SGCD: variants seen among roughly 807,000 people sequenced by gnomAD.
SGCD encodes the protein delta-sarcoglycan.
SGCD carries 18 observed loss-of-function variants against 36.6 expected under a neutral mutation model. The ratio of observed to expected loss-of-function variants is 0.49; its 90% CI spans 0.34 to 0.73. The LOEUF (loss-of-function observed/expected upper bound fraction) is 0.73. SGCD is among the 30% of genes least tolerant of loss of function. SGCD has a pLI of 0.01. For synonymous variants in SGCD, 133 were observed against 130.6 expected, an observed-to-expected ratio of 1.02 and a Z score of -0.12; for missense variants, 387 against 346.7, an observed-to-expected ratio of 1.12 and a Z score of -0.92.
At chr5:156,023,054 T>G (rs1386461532) in intron 1 of SGCD, among the ~76,000 whole-genome samples, 1 of 152,230 alleles carries the variant, frequency 6.6e-6, no homozygotes. Flanking sequence ...AGAATTTGCA[T>G]TATAACTCCA....
chr5:156,385,040 A>T (rs968216491), intron 3 of SGCD, among the ~76,000 whole-genome samples: 1 of 152,216 alleles, frequency 6.6e-6, no homozygotes, highest in African/African-American at 2.4e-5. Context: ...GAATCCAGCC[A>T]GAAATGCACA....
intron 1 of SGCD, among the ~76,000 whole-genome samples, chr5:155,899,388 C>G (rs1050756657): frequency 3.9e-5 from 6 of 152,034 alleles, no homozygotes; most frequent in African/African-American, 1.4e-4. Flanking sequence ...TAGCTCTAAC[C>G]CTGGGCCTTT....
intron 3 of SGCD, among the ~76,000 whole-genome samples, chr5:156,444,108 CTCTCTCT>C (rs1561699371): frequency 7.2e-4 from 74 of 103,180 alleles, no homozygotes; most frequent in Non-Finnish European, 8.9e-4. Context: ...CTCTCTCTCT[CTCTCTCT>C]CCCCTTCCCT....
At chr5:156,091,806 A>G (rs754493040) in intron 1 of SGCD, among the ~76,000 whole-genome samples, 12 of 152,242 alleles carry the variant, frequency 7.9e-5, no homozygotes, top group Non-Finnish European at 1.3e-4. Flanking sequence ...ATACCTCATG[A>G]GGCATGAACA....
rs1478064768 is a variant in SGCD at position 156,002,225 on chromosome 5, GGACACA to G, written c.-281-115646_-281-115641del. On this transcript the variant is annotated intron_variant, in intron 1 of 9. Transcript: ENST00000517913. ...ATATCTGTATAAGAAGATGAGATTA[GGACACA>G]GACACACAAACACACACAGAGGGAA... Among the ~76,000 whole-genome samples, 6 of 152,188 alleles carry G rather than the reference GGACACA, an allele frequency of 3.9e-5. No homozygotes were observed. The East Asian group carries it at 1.2e-3, about 30-fold the overall frequency.
intron 6 of SGCD, among the ~76,000 whole-genome samples, chr5:156,639,047 A>G (rs1481252366): frequency 1.3e-5 from 2 of 151,948 alleles, no homozygotes; most frequent in Non-Finnish European, 1.5e-5. Flanking sequence ...TTATCATAAT[A>G]AAATATATCT....
intron 4 of SGCD, among the ~76,000 whole-genome samples, chr5:156,567,324 G>A (rs1759524294): frequency 6.7e-6 from 1 of 149,996 alleles, no homozygotes; most frequent in Non-Finnish European, 1.5e-5. Context: ...AATTAATGGG[G>A]GAAGGAGAGA....
At chr5:155,907,844 T>C (rs1756551376) in intron 1 of SGCD, among the ~76,000 whole-genome samples, 2 of 152,144 alleles carry the variant, frequency 1.3e-5, no homozygotes, top group South Asian at 4.1e-4. Flanking sequence ...TTTGAGAGGA[T>C]TGACTTCAAT....
intron 4 of SGCD, among the ~76,000 whole-genome samples, chr5:156,538,862 C>T (rs1581136555): frequency 6.6e-6 from 1 of 152,108 alleles, no homozygotes; most frequent in Non-Finnish European, 1.5e-5. Flanking sequence ...TTCTTTGTTC[C>T]AGTATTAATT....
chr5:156,344,094 A>G (rs1768814290), intron 2 of SGCD, among the ~76,000 whole-genome samples: 1 of 152,242 alleles, frequency 6.6e-6, no homozygotes, highest in Non-Finnish European at 1.5e-5. Context: ...TATATTACTA[A>G]GGTGAACTGC....
intron 3 of SGCD, among the ~76,000 whole-genome samples, chr5:156,482,204 T>C (rs1755461127): frequency 6.6e-6 from 1 of 152,140 alleles, no homozygotes; most frequent in African/African-American, 2.4e-5. Context: ...TGCAAGGTCA[T>C]TGCAGCCTGA....
intron 4 of SGCD, among the ~76,000 whole-genome samples, chr5:156,572,492 G>T (rs552351593): frequency 6.6e-6 from 1 of 151,920 alleles, no homozygotes; most frequent in Non-Finnish European, 1.5e-5. Flanking sequence ...TTAACTTACC[G>T]GGTTTCCATT....
At chr5:156,243,687 G>A (rs1269426759) in intron 3 of SGCD, among the ~76,000 whole-genome samples, 1 of 152,112 alleles carries the variant, frequency 6.6e-6, no homozygotes, top group Non-Finnish European at 1.5e-5. Flanking sequence ...GAAAGAACTA[G>A]GGGTCCCTGA....
intron 4 of SGCD, among the ~76,000 whole-genome samples, chr5:156,558,086 CAA>C (rs1759106140): frequency 2.3e-5 from 1 of 43,452 alleles, no homozygotes; most frequent in Admixed American, 3.2e-4. Context: ...TTAGTAAATA[CAA>C]ATATATATAT....
the SGCD span, among the ~76,000 whole-genome samples, chr5:155,808,952 AT>A: frequency 6.6e-6 from 1 of 152,244 alleles, no homozygotes; most frequent in African/African-American, 2.4e-5. Flanking sequence ...GCTTCTTTAT[AT>A]AGTAGATTAT....
chr5:156,581,204 T>C (rs1760241752), intron 4 of SGCD, among the ~76,000 whole-genome samples: 1 of 152,210 alleles, frequency 6.6e-6, no homozygotes, highest in Admixed American at 6.5e-5. Flanking sequence ...CTCCAGACCC[T>C]GTTTGCCTGA....
intron 3 of SGCD, among the ~76,000 whole-genome samples, chr5:156,300,100 A>G (rs973734030): frequency 6.6e-6 from 1 of 151,840 alleles, no homozygotes; most frequent in African/African-American, 2.4e-5. Context: ...GTGTTGAGCT[A>G]TTTCTTCTAT....
At chr5:156,388,502 A>T (rs1257930087) in intron 3 of SGCD, among the ~76,000 whole-genome samples, 1 of 152,208 alleles carries the variant, frequency 6.6e-6, no homozygotes, top group East Asian at 1.9e-4. Context: ...GGTATCATTT[A>T]ATTTAAAGCA....
At chr5:156,236,387 A>G (rs996111266) in intron 3 of SGCD, among the ~76,000 whole-genome samples, 1 of 152,156 alleles carries the variant, frequency 6.6e-6, no homozygotes, top group Admixed American at 6.5e-5. Context: ...TTATCTACTG[A>G]TAATTTTACA....
Sources: gnomAD v4.1 joint callset for allele counts (sites outside exome capture counted in the v4.1 genomes callset) on GRCh38, gnomAD v4.1.1 for gene constraint, MANE v1.5 for transcripts, NCBI Gene and HGNC (gene_info 2026-07-23, HGNC 2026-07-21) for gene names.